The following CSMD1 variants were observed in gnomAD, a reference collection of about 807,000 sequenced individuals.
CSMD1 encodes the protein CUB and sushi domain-containing protein 1.
A neutral mutation model predicts 417.5 loss-of-function variants in CSMD1; 213 were observed. The ratio of observed to expected loss-of-function variants is 0.51; its 90% CI spans 0.46 to 0.57. The LOEUF is 0.57. Ranked by LOEUF, CSMD1 falls within the 20% of genes least tolerant of loss-of-function variation. CSMD1 has a pLI of 0.00. For missense variants in CSMD1, 6,923 were observed against 4,529.7 expected, an observed-to-expected ratio of 1.53 and a Z score of -15.17; for synonymous variants, 2,862 against 1,736.8, an observed-to-expected ratio of 1.65 and a Z score of -16.11.
chr8:3,921,481 T>C (rs1384872711), intron 5 of CSMD1, among the ~76,000 whole-genome samples: 1 of 152,132 alleles, frequency 6.6e-6, no homozygotes, highest in Non-Finnish European at 1.5e-5. Context: ...GGTGTAAAGT[T>C]AGGTTGCTTA....
intron 7 of CSMD1, among the ~76,000 whole-genome samples, chr8:3,621,916 G>T (rs978327547): frequency 1.3e-5 from 2 of 151,796 alleles, no homozygotes; most frequent in African/African-American, 4.8e-5. Flanking sequence ...AGAAGTGTAT[G>T]CTTATAATGG....
chr8:4,884,838 G>T (rs1014922344), intron 1 of CSMD1, among the ~76,000 whole-genome samples: 1 of 151,930 alleles, frequency 6.6e-6, no homozygotes, highest in African/African-American at 2.4e-5. Context: ...ACTACCTTGG[G>T]TATTTGGGGT....
chr8:3,055,609 G>A (rs1365309367), intron 49 of CSMD1, among the ~76,000 whole-genome samples: 3 of 152,270 alleles, frequency 2.0e-5, no homozygotes, highest in African/African-American at 2.4e-5. Context: ...TTAAAAATGC[G>A]AATTAGCATT....
chr8:4,779,060 G>T (rs546203791), intron 1 of CSMD1, among the ~76,000 whole-genome samples: 12 of 152,306 alleles, frequency 7.9e-5, no homozygotes, highest in Admixed American at 7.9e-4. Context: ...ATTGACAGCT[G>T]TACATACAGA....
At chr8:4,158,889 C>G (rs949671149) in intron 3 of CSMD1, among the ~76,000 whole-genome samples, 3 of 152,084 alleles carry the variant, frequency 2.0e-5, no homozygotes, top group African/African-American at 7.2e-5. Context: ...CTACTGTTTC[C>G]AGCTGAAAAG....
chr8:3,432,946 A>G (rs977705738), intron 12 of CSMD1, among the ~76,000 whole-genome samples: 2 of 152,216 alleles, frequency 1.3e-5, no homozygotes, highest in African/African-American at 4.8e-5. Flanking sequence ...ATACCTTATC[A>G]ATAAATGGGG....
chr8:4,338,956 C>G (rs573853270), intron 3 of CSMD1, among the ~76,000 whole-genome samples: 1 of 152,008 alleles, frequency 6.6e-6, no homozygotes, highest in Non-Finnish European at 1.5e-5. Context: ...GAACATAGGT[C>G]TGGGCATACA....
At chr8:3,711,954 G>A (rs1023945876) in intron 6 of CSMD1, among the ~76,000 whole-genome samples, 1 of 152,306 alleles carries the variant, frequency 6.6e-6, no homozygotes, top group South Asian at 2.1e-4. Flanking sequence ...TAGTCTCTCA[G>A]GGACGATCAA....
chr8:4,450,956 T>C (rs1184151806), intron 2 of CSMD1, among the ~76,000 whole-genome samples: 2 of 151,992 alleles, frequency 1.3e-5, no homozygotes, highest in Non-Finnish European at 2.9e-5. Flanking sequence ...ACAACTAAGA[T>C]CTACAGTAAC....
intron 3 of CSMD1, among the ~76,000 whole-genome samples, chr8:4,367,267 G>C (rs892494853): frequency 2.0e-5 from 3 of 152,030 alleles, no homozygotes; most frequent in Admixed American, 2.0e-4. Flanking sequence ...AGCCGGGCCA[G>C]ACTGCATGAG....
At chr8:4,941,638 A>G (rs1334882725) in intron 1 of CSMD1, among the ~76,000 whole-genome samples, 1 of 150,464 alleles carries the variant, frequency 6.6e-6, no homozygotes, top group African/African-American at 2.4e-5. Context: ...TTGCACTGTC[A>G]CCCAGGCTGG....
At chr8:3,579,414 A>C (rs565814709) in intron 9 of CSMD1, among the ~76,000 whole-genome samples, 1 of 152,366 alleles carries the variant, frequency 6.6e-6, no homozygotes. Context: ...CTACTCAATT[A>C]ATCAAATTAC....
intron 1 of CSMD1, among the ~76,000 whole-genome samples, chr8:4,768,951 G>A (rs1284555344): frequency 6.6e-6 from 1 of 152,058 alleles, no homozygotes; most frequent in Non-Finnish European, 1.5e-5. Flanking sequence ...CTAAAAGTCA[G>A]GTAAATAAAT....
At chr8:4,078,902 TA>T (rs1799975446) in intron 3 of CSMD1, among the ~76,000 whole-genome samples, 1 of 17,862 alleles carries the variant, frequency 5.6e-5, no homozygotes. Context: ...AATAAATATA[TA>T]TATATATATA....
intron 50 of CSMD1, among the ~76,000 whole-genome samples, chr8:3,050,813 T>A (rs529906641): frequency 6.6e-6 from 1 of 152,300 alleles, no homozygotes; most frequent in African/African-American, 2.4e-5. Context: ...ATAAGTTAGT[T>A]TAAAATTTTT....
chr8:4,820,133 C>A (rs1475335379), intron 1 of CSMD1, among the ~76,000 whole-genome samples: 1 of 152,140 alleles, frequency 6.6e-6, no homozygotes, highest in African/African-American at 2.4e-5. Flanking sequence ...GGCTAGAATT[C>A]TTGCACCACC....
intron 12 of CSMD1, among the ~76,000 whole-genome samples, chr8:3,445,282 T>G (rs1286191467): frequency 1.3e-5 from 2 of 152,172 alleles, no homozygotes; most frequent in Non-Finnish European, 2.9e-5. Flanking sequence ...AGTTATAATT[T>G]TGGGGACGTC....
chr8:4,912,093 C>T (rs1019897958), intron 1 of CSMD1, among the ~76,000 whole-genome samples: 1 of 130,228 alleles, frequency 7.7e-6, no homozygotes, highest in Non-Finnish European at 1.6e-5. Context: ...ATTTCAGATC[C>T]TGTACTTTTC....
At chr8:3,324,955 C>G (rs550383629) in intron 23 of CSMD1, among the ~76,000 whole-genome samples, 2 of 151,260 alleles carry the variant, frequency 1.3e-5, no homozygotes, top group Non-Finnish European at 2.9e-5. Context: ...TCAGTGTTTT[C>G]TGAAATTTTT....
Sources: allele counts gnomAD v4.1 joint callset (sites outside exome capture counted in the v4.1 genomes callset), GRCh38; gene constraint gnomAD v4.1.1; transcripts MANE v1.5; gene names NCBI Gene and HGNC (gene_info 2026-07-23, HGNC 2026-07-21).